The following SND1 variants were observed in gnomAD, a reference collection of about 807,000 sequenced individuals.
SND1 encodes the protein staphylococcal nuclease domain-containing protein 1.
SND1 carries 38 observed loss-of-function variants against 121.7 expected under a neutral mutation model. That is an observed-to-expected ratio of 0.31 (90% confidence interval 0.24 to 0.41). SND1 has a LOEUF of 0.41. SND1 is among the 10% of genes least tolerant of loss of function. The probability of loss-of-function intolerance (pLI) is 1.00; values close to 1 mark genes in which losing one functional copy is unlikely to be tolerated. For missense variants in SND1, 868 were observed against 1,184.6 expected (o/e 0.73, Z 3.92); for synonymous variants, 401 against 447.4 (o/e 0.90, Z 1.31).
chr7:127,711,831 AT>A (rs1163442404), intron 9 of SND1, among the ~76,000 whole-genome samples: 3 of 150,816 alleles, frequency 2.0e-5, no homozygotes, highest in African/African-American at 7.3e-5. Flanking sequence ...ATACTGTTTT[AT>A]TTTTTAAGAA....
rs1797152157 is a variant in SND1 at position 127,754,154 on chromosome 7, A to G, written c.1152+32754A>G. 2.6e-5 allele frequency among the ~76,000 whole-genome samples: 4 copies of G among 152,322 alleles called. No individual in the cohort carries two copies. In the South Asian group the frequency reaches 8.3e-4, roughly 32 times the overall value. ...TTGTGTCACAGTATCTTCTATTTGG[A>G]GAATAGAAAATGATTTCTCTGTTGG... On this transcript the variant is annotated intron_variant, in intron 10 of 23. Transcript: ENST00000354725.
chr7:127,736,608 C>G (rs896157693), intron 10 of SND1, among the ~76,000 whole-genome samples: 1 of 152,186 alleles, frequency 6.6e-6, no homozygotes, highest in Non-Finnish European at 1.5e-5. Flanking sequence ...ACAATGTATG[C>G]GGTTTGTACC....
chr7:128,018,224 CT>C (rs1803269885), intron 16 of SND1, among the ~76,000 whole-genome samples: 3 of 152,230 alleles, frequency 2.0e-5, no homozygotes, highest in Admixed American at 2.0e-4. Context: ...ACCCAGTCAT[CT>C]TTTAAGTACA....
chr7:127,920,653 T>C (rs1333201614), intron 14 of SND1, among the ~76,000 whole-genome samples: 1 of 152,172 alleles, frequency 6.6e-6, no homozygotes, highest in African/African-American at 2.4e-5. Flanking sequence ...GTTCTGTGGG[T>C]TGGCAGCCCT....
intron 7 of SND1, 96 bp downstream of exon 7, chr7:127,703,419 C>G (rs2116343313): frequency 7.1e-7 from 1 of 1,409,988 alleles, no homozygotes; most frequent in Non-Finnish European, 9.7e-7. Context: ...TATTTAACAT[C>G]CATTAAGATA....
intron 15 of SND1, among the ~76,000 whole-genome samples, chr7:127,987,828 A>T (rs2116911898): frequency 6.6e-6 from 1 of 152,302 alleles, no homozygotes; most frequent in African/African-American, 2.4e-5. Context: ...GACATATATA[A>T]CTAACATATA....
chr7:127,695,142 G>C (rs1227598873), intron 3 of SND1, among the ~76,000 whole-genome samples, 194 bp downstream of exon 3: 2 of 152,182 alleles, frequency 1.3e-5, no homozygotes, highest in Non-Finnish European at 2.9e-5. Flanking sequence ...CGGTGTTCCT[G>C]TTCCTTGTGT....
intron 16 of SND1, among the ~76,000 whole-genome samples, chr7:128,043,783 G>A (rs929050984): frequency 6.6e-6 from 1 of 150,586 alleles, no homozygotes; most frequent in Admixed American, 6.6e-5. Context: ...TTTATATATT[G>A]TGTATAAATA....
intron 14 of SND1, among the ~76,000 whole-genome samples, chr7:127,917,277 C>T (rs1370683130): frequency 6.6e-6 from 1 of 152,094 alleles, no homozygotes; most frequent in African/African-American, 2.4e-5. Context: ...CCAAATACAC[C>T]GAAAGCACTA....
At chr7:127,687,762 T>C (rs1333519751) in intron 2 of SND1, among the ~76,000 whole-genome samples, 1 of 152,116 alleles carries the variant, frequency 6.6e-6, no homozygotes, top group Non-Finnish European at 1.5e-5. Context: ...TGGCTCACTG[T>C]AGTCTCAACC....
At chr7:127,977,819 A>G (rs1008918559) in intron 15 of SND1, among the ~76,000 whole-genome samples, 4 of 152,292 alleles carry the variant, frequency 2.6e-5, no homozygotes, top group African/African-American at 9.6e-5. Context: ...AATCAAGAGG[A>G]TGTAGCAATC....
chr7:127,834,339 G>T (rs1295953261), intron 11 of SND1, among the ~76,000 whole-genome samples: 1 of 152,180 alleles, frequency 6.6e-6, no homozygotes, highest in Non-Finnish European at 1.5e-5. Context: ...CTGAGAAATG[G>T]TTTGATCTAG....
At chr7:128,048,098 A>T (rs4731392) in intron 16 of SND1, among the ~76,000 whole-genome samples, 1 of 151,726 alleles carries the variant, frequency 6.6e-6, no homozygotes, top group Non-Finnish European at 1.5e-5. Flanking sequence ...CACCCGTCTT[A>T]GCCTCCCAAA....
In SND1 at chr7:127,963,410, G is replaced by A. The variant is rs58549858; in HGVS notation, c.1670-27537G>A. Among the ~76,000 whole-genome samples, 78 of 139,376 alleles carry A rather than the reference G, an allele frequency of 5.6e-4. 1 individual carries two copies. The highest frequency in any genetic ancestry group is 1.9e-3 in the African/African-American group (72 of 36,954). 91.4% of individuals were successfully genotyped at this position (139,376 alleles called of 152,430 possible). A position where few individuals can be genotyped will look rare whatever the true frequency, so the allele number is the denominator to read the frequency against. ...CCAATGCTATCCCTCCCCCCTCCCC[G>A]CCGCCACCACAGTCCCCAGAGTGTG... On this transcript the variant is annotated intron_variant, in intron 15 of 23. Transcript: ENST00000354725.
intron 10 of SND1, among the ~76,000 whole-genome samples, chr7:127,766,830 A>AGAATTG (rs1241335422): frequency 6.8e-6 from 1 of 147,830 alleles, no homozygotes; most frequent in Non-Finnish European, 1.5e-5. Flanking sequence ...ACCGTCTCCC[A>AGAATTG]GAATTGCTAT....
At chr7:128,014,425 CTGA>C (rs1444696147) in intron 16 of SND1, among the ~76,000 whole-genome samples, 2 of 152,212 alleles carry the variant, frequency 1.3e-5, no homozygotes, top group African/African-American at 2.4e-5. Flanking sequence ...AGCAACAGTG[CTGA>C]TAATACGAGC....
intron 16 of SND1, among the ~76,000 whole-genome samples, chr7:128,059,370 G>A (rs1793195034): frequency 6.6e-6 from 1 of 152,216 alleles, no homozygotes; most frequent in African/African-American, 2.4e-5. Flanking sequence ...GCTCTTTGAA[G>A]ACAGAAGTGA....
At chr7:128,065,157 A>G (rs1254024538) in intron 16 of SND1, among the ~76,000 whole-genome samples, 2 of 152,254 alleles carry the variant, frequency 1.3e-5, no homozygotes, top group African/African-American at 2.4e-5. Flanking sequence ...GATGACAGAA[A>G]GAGGTAACTG....
In SND1 at chr7:127,844,351, C is replaced by T; in HGVS notation, c.1270C>T (p.Pro424Ser). Residue 424 changes from proline (P) to serine (S), a missense_variant, in exon 12 of 24, where the codon CCA (proline) becomes TCA (serine). Coordinates refer to ENST00000354725, the MANE Select transcript of SND1 (RefSeq NM_014390.4). ...CAATGTGACGGTGGACTACATTAGA[C>T]CAGCCAGCCCAGCCACAGAGACAGT... ...KVNVTVDYIRPASPATETVPA... is the reference protein window; with the variant it reads ...KVNVTVDYIRSASPATETVPA... The T allele has an allele frequency of 6.2e-7, 1 of 1,613,346 alleles. No individual in the cohort carries two copies. The highest frequency in any genetic ancestry group is 8.5e-7 in the Non-Finnish European group (1 of 1,179,666).
Sources: gnomAD v4.1 joint callset for allele counts (sites outside exome capture counted in the v4.1 genomes callset) on GRCh38, gnomAD v4.1.1 for gene constraint, MANE v1.5 for transcripts, NCBI Gene and HGNC (gene_info 2026-07-23, HGNC 2026-07-21) for gene names.